RIT2: variants seen among roughly 807,000 people sequenced by gnomAD.
RIT2 encodes GTP-binding protein Rit2.
RIT2 carries 24 observed loss-of-function variants against 23.7 expected under a neutral mutation model. The observed-to-expected ratio is 1.01, with a 90% confidence interval of 0.73 to 1.43. The LOEUF is 1.43. RIT2 is among the 40% of genes most tolerant of loss of function. RIT2 has a pLI of 0.00. For synonymous variants in RIT2, 107 were observed against 91.1 expected (o/e 1.17, Z -0.99); for missense variants, 236 against 266.9 (o/e 0.88, Z 0.81).
At chr18:43,098,426 A>G (rs1010854730) in intron 1 of RIT2, among the ~76,000 whole-genome samples, 10 of 151,910 alleles carry the variant, frequency 6.6e-5, no homozygotes, top group African/African-American at 2.4e-4. Flanking sequence ...GATTGCATGA[A>G]TCTTTTCACC....
intron 1 of RIT2, among the ~76,000 whole-genome samples, chr18:43,099,128 C>G (rs1055283122): frequency 6.6e-6 from 1 of 152,042 alleles, no homozygotes; most frequent in Admixed American, 6.6e-5. Flanking sequence ...AGCTTTGATG[C>G]TTTGGTAATT....
intron 2 of RIT2, among the ~76,000 whole-genome samples, chr18:43,005,696 A>G (rs1911211513): frequency 6.6e-6 from 1 of 151,848 alleles, no homozygotes; most frequent in Non-Finnish European, 1.5e-5. Context: ...AGGCAAAACC[A>G]TCACTTAAAT....
chr18:43,105,450 A>AAGGAAGGGAGGAAGGGAGGAAGGG (rs1258433819), intron 1 of RIT2, among the ~76,000 whole-genome samples: 1 of 67,568 alleles, frequency 1.5e-5, no homozygotes, highest in East Asian at 6.7e-4. Flanking sequence ...GGAACAAAAA[A>AAGGAAGGGAGGAAGGGAGGAAGGG]AGGAAGGGAG....
chr18:43,001,420 T>G (rs990290318), intron 2 of RIT2, among the ~76,000 whole-genome samples: 4 of 151,524 alleles, frequency 2.6e-5, no homozygotes, highest in Non-Finnish European at 4.4e-5. Flanking sequence ...ATAAGCAAGA[T>G]GTTCATATAT....
rs149215384 is a variant in RIT2 at position 42,976,713 on chromosome 18, G to A, written c.161-2566C>T. Among the ~76,000 whole-genome samples the A allele has an allele frequency of 3.0e-4, 45 of 152,146 alleles. No homozygotes were observed. In the South Asian group the frequency reaches 5.8e-3, roughly 20 times the overall value. ...AATATGTTCATTATTATTAAGAAAC[G>A]TGGAGTTCATTATAATGCCATCTTC... is the stretch of plus-strand genomic sequence containing the variant. On this transcript the variant is annotated intron_variant, in intron 2 of 4. Coordinates refer to ENST00000326695, the MANE Select transcript of RIT2 (RefSeq NM_002930.4).
intron 2 of RIT2, among the ~76,000 whole-genome samples, chr18:43,018,699 A>C (rs1722042115): frequency 6.6e-6 from 1 of 151,980 alleles, no homozygotes; most frequent in Non-Finnish European, 1.5e-5. Flanking sequence ...ATAAAATACT[A>C]AGTAATGTTA....
At chr18:43,025,872 A>G (rs1394983354) in intron 2 of RIT2, among the ~76,000 whole-genome samples, 1 of 152,116 alleles carries the variant, frequency 6.6e-6, no homozygotes, top group Non-Finnish European at 1.5e-5. Context: ...AAATTACTTA[A>G]GGGAGACAAG....
chr18:43,063,530 A>T (rs533820577), intron 1 of RIT2, among the ~76,000 whole-genome samples: 24 of 152,282 alleles, frequency 1.6e-4, no homozygotes, highest in East Asian at 3.9e-4. Flanking sequence ...TTTGAAATTA[A>T]TTTTACGTTT....
chr18:42,990,912 G>GTTTTT lies in RIT2; in HGVS notation c.161-16770_161-16766dup, dbSNP rs77172671. Reference sequence around the variant, plus strand: ...GCTCCTATTATGCTACACTGGTTTTGTTTTTTTTTTTTTTTTTTTAAAGAC... The same window carrying GTTTTT: ...GCTCCTATTATGCTACACTGGTTTTGTTTTTTTTTTTTTTTTTTTTTTTTAAAGAC... On this transcript the variant is annotated intron_variant, in intron 2 of 4. Coordinates refer to ENST00000326695, the MANE Select transcript of RIT2 (RefSeq NM_002930.4). Among the ~76,000 whole-genome samples the GTTTTT allele has an allele frequency of 2.0e-4, 27 of 133,106 alleles. 2 individuals are homozygous for GTTTTT. Among genetic ancestry groups the GTTTTT allele is most frequent in the East Asian group, 1.8e-3 (8 of 4,354 alleles). 87.3% of individuals were successfully genotyped at this position (133,106 alleles called of 152,430 possible). A position where few individuals can be genotyped will look rare whatever the true frequency, so the allele number is the denominator to read the frequency against.
chr18:42,781,580 T>C (rs1347358916), intron 4 of RIT2, among the ~76,000 whole-genome samples: 1 of 152,162 alleles, frequency 6.6e-6, no homozygotes, highest in African/African-American at 2.4e-5. Context: ...ATATTCCTCA[T>C]GACTTTTAGG....
chr18:42,780,058 T>TTTTTG (rs1913773717), intron 4 of RIT2, among the ~76,000 whole-genome samples: 1 of 135,752 alleles, frequency 7.4e-6, no homozygotes, highest in Non-Finnish European at 1.6e-5. Flanking sequence ...TTTTTTTTTT[T>TTTTTG]TTTTTTTTTT....
At chr18:42,992,910 T>C (rs962948599) in intron 2 of RIT2, among the ~76,000 whole-genome samples, 4 of 152,158 alleles carry the variant, frequency 2.6e-5, no homozygotes, top group African/African-American at 7.2e-5. Context: ...TTTATTTTAT[T>C]ACCCAATCTG....
At chr18:42,751,983 A>G (rs1466116519) in intron 4 of RIT2, among the ~76,000 whole-genome samples, 1 of 152,104 alleles carries the variant, frequency 6.6e-6, no homozygotes, top group Non-Finnish European at 1.5e-5. Context: ...AATATTGACA[A>G]ACCATACATT....
At chr18:42,938,614 A>G (rs1358479202) in intron 3 of RIT2, among the ~76,000 whole-genome samples, 1 of 152,204 alleles carries the variant, frequency 6.6e-6, no homozygotes, top group East Asian at 1.9e-4. Context: ...GCCTACTCCA[A>G]TGTTAGAATT....
chr18:43,012,098 A>G (rs1911364090), intron 2 of RIT2, among the ~76,000 whole-genome samples: 3 of 151,824 alleles, frequency 2.0e-5, no homozygotes. Flanking sequence ...TAAGAGCAAC[A>G]TAATTGTGAA....
At chr18:42,764,887 T>C (rs1018404359) in intron 4 of RIT2, among the ~76,000 whole-genome samples, 5 of 152,236 alleles carry the variant, frequency 3.3e-5, no homozygotes, top group African/African-American at 9.6e-5. Flanking sequence ...GCAGTCTTAC[T>C]TACTTTGTAG....
intron 4 of RIT2, among the ~76,000 whole-genome samples, chr18:42,748,216 A>T (rs1045213044): frequency 6.6e-6 from 1 of 152,022 alleles, no homozygotes; most frequent in Non-Finnish European, 1.5e-5. Flanking sequence ...TCCACAATCT[A>T]CAAGAGACTG....
intron 4 of RIT2, among the ~76,000 whole-genome samples, chr18:42,807,688 A>G (rs1905723214): frequency 6.6e-6 from 1 of 152,196 alleles, no homozygotes; most frequent in African/African-American, 2.4e-5. Flanking sequence ...GAATAAAAAC[A>G]TAAAACAAAA....
intron 1 of RIT2, among the ~76,000 whole-genome samples, chr18:43,061,822 T>G (rs1006817932): frequency 2.0e-5 from 3 of 152,168 alleles, no homozygotes; most frequent in African/African-American, 7.2e-5. Flanking sequence ...TTACTCACTC[T>G]ACAGCATCTG....
Sources: allele counts gnomAD v4.1 joint callset (sites outside exome capture counted in the v4.1 genomes callset), GRCh38; gene constraint gnomAD v4.1.1; transcripts MANE v1.5; gene names NCBI Gene and HGNC (gene_info 2026-07-23, HGNC 2026-07-21).